DNM3: variants seen among roughly 807,000 people sequenced by gnomAD.
DNM3 encodes the protein dynamin 3, also known as dynamin-3.
Under a neutral mutation model 101.6 loss-of-function variants are expected in DNM3, and 47 were observed. That is an observed-to-expected ratio of 0.46 (90% CI 0.37 to 0.59). DNM3 has a LOEUF of 0.59. DNM3 is among the 20% of genes least tolerant of loss of function. The pLI is 0.00. For missense variants in DNM3, 849 were observed against 1,085.7 expected, an observed-to-expected ratio of 0.78 and a Z score of 3.06; for synonymous variants, 385 against 387.9, an observed-to-expected ratio of 0.99 and a Z score of 0.09.
At chr1:172,221,519 A>G (rs907517790) in intron 14 of DNM3, among the ~76,000 whole-genome samples, 1 of 152,184 alleles carries the variant, frequency 6.6e-6, no homozygotes, top group Non-Finnish European at 1.5e-5. Context: ...AGATGGTTCC[A>G]AGAGCAGAAA....
chr1:172,000,463 A>G (rs1002457571), intron 4 of DNM3, among the ~76,000 whole-genome samples: 1 of 152,060 alleles, frequency 6.6e-6, no homozygotes, highest in African/African-American at 2.4e-5. Flanking sequence ...CACAGGCTGT[A>G]TTGGACTTCA....
At chr1:172,236,982 A>G (rs904428701) in intron 14 of DNM3, among the ~76,000 whole-genome samples, 19 of 152,132 alleles carry the variant, frequency 1.2e-4, no homozygotes, top group Middle Eastern at 3.2e-3. Flanking sequence ...AGGGCCGAAC[A>G]TTATTGTATC....
intron 17 of DNM3, among the ~76,000 whole-genome samples, chr1:172,341,926 A>C (rs1480174906): frequency 6.6e-6 from 1 of 152,188 alleles, no homozygotes; most frequent in East Asian, 1.9e-4. Context: ...AAACAATCCC[A>C]TTAAAAAGTA....
intron 17 of DNM3, among the ~76,000 whole-genome samples, chr1:172,324,152 GT>G (rs1319518375): frequency 3.3e-5 from 5 of 152,112 alleles, no homozygotes; most frequent in Non-Finnish European, 7.4e-5. Flanking sequence ...ATGGTCTTAC[GT>G]TTAGTTGGGC....
At chr1:172,298,165 T>C (rs147357990) in intron 15 of DNM3, among the ~76,000 whole-genome samples, 4 of 152,326 alleles carry the variant, frequency 2.6e-5, no homozygotes, top group Non-Finnish European at 5.9e-5. Context: ...TTCAAGTCCT[T>C]ATTTTCTTCT....
intron 14 of DNM3, among the ~76,000 whole-genome samples, chr1:172,160,054 A>G (rs866683082): frequency 1.4e-4 from 21 of 149,624 alleles, no homozygotes; most frequent in African/African-American, 5.3e-4. Flanking sequence ...AAAATACAGC[A>G]TAAAAGATAA....
At chr1:172,402,923 CT>C (rs1003771054) in intron 20 of DNM3, among the ~76,000 whole-genome samples, 2 of 152,026 alleles carry the variant, frequency 1.3e-5, no homozygotes, top group Non-Finnish European at 2.9e-5. Context: ...AAGTAAAAAT[CT>C]TTTTTTTACT....
At chr1:172,323,414 T>C in intron 17 of DNM3, 74 bp downstream of exon 17, 1 of 1,524,876 alleles carries the variant, frequency 6.6e-7, no homozygotes, top group Non-Finnish European at 8.9e-7. Context: ...TTGACAAGAG[T>C]GTTCCTGTGC....
chr1:172,138,251 G>A (rs1429168899), intron 14 of DNM3: 2 of 149,860 alleles, frequency 1.3e-5, no homozygotes, highest in Non-Finnish European at 1.5e-5. Context: ...CAGACTGGCA[G>A]AGTTAACCCA....
chr1:172,015,731 T>C (rs975999891), intron 4 of DNM3, among the ~76,000 whole-genome samples: 1 of 152,234 alleles, frequency 6.6e-6, no homozygotes, highest in African/African-American at 2.4e-5. Context: ...CACTTTTATT[T>C]CTTCCTTTAC....
At chr1:172,308,909 C>T (rs756798570) in intron 16 of DNM3, 70 bp downstream of exon 16, 8 of 856,098 alleles carry the variant, frequency 9.3e-6, no homozygotes, top group Non-Finnish European at 1.4e-5. Flanking sequence ...ATCCTACATA[C>T]CATAAGCTGG....
At chr1:172,317,099 C>G (rs1197791673) in intron 16 of DNM3, among the ~76,000 whole-genome samples, 5 of 151,716 alleles carry the variant, frequency 3.3e-5, no homozygotes, top group Admixed American at 3.3e-4. Flanking sequence ...CAAAACCGCT[C>G]AACTACATGG....
At chr1:171,954,942 TTACTAA>T (rs2125471011) in intron 2 of DNM3, among the ~76,000 whole-genome samples, 1 of 152,336 alleles carries the variant, frequency 6.6e-6, no homozygotes, top group East Asian at 1.9e-4. Flanking sequence ...AATATTTAAC[TTACTAA>T]TAAAATGTCA....
At chr1:171,890,800 A>C (rs2037201227) in intron 1 of DNM3, among the ~76,000 whole-genome samples, 1 of 152,170 alleles carries the variant, frequency 6.6e-6, no homozygotes, top group Non-Finnish European at 1.5e-5. Flanking sequence ...TCACAGCAGC[A>C]AAAAACAAAA....
intron 14 of DNM3, among the ~76,000 whole-genome samples, chr1:172,183,456 A>G (rs778171090): frequency 3.9e-5 from 6 of 152,162 alleles, no homozygotes; most frequent in Admixed American, 6.6e-5. Context: ...AGGAAAATAC[A>G]GTGATTCTGG....
At chr1:172,368,767 T>G (rs2068163344) in intron 17 of DNM3, among the ~76,000 whole-genome samples, 1 of 151,200 alleles carries the variant, frequency 6.6e-6, no homozygotes, top group Admixed American at 6.6e-5. Context: ...AATGAAAAAA[T>G]GAAACATTAC....
chr1:172,184,786 T>C (rs959894943), intron 14 of DNM3, among the ~76,000 whole-genome samples: 4 of 152,104 alleles, frequency 2.6e-5, no homozygotes, highest in African/African-American at 9.7e-5. Flanking sequence ...GTTTTACAAA[T>C]GTAGAATCCA....
At chr1:172,086,127 A>G (rs925024789) in intron 12 of DNM3, among the ~76,000 whole-genome samples, 3 of 152,178 alleles carry the variant, frequency 2.0e-5, no homozygotes, top group Non-Finnish European at 4.4e-5. Flanking sequence ...TTTCTCTTTC[A>G]TCCTCAAATA....
At chr1:172,014,472 T>C (rs1456249283) in intron 4 of DNM3, among the ~76,000 whole-genome samples, 1 of 152,182 alleles carries the variant, frequency 6.6e-6, no homozygotes, top group Admixed American at 6.5e-5. Context: ...ATTGTCAGTT[T>C]TGTGGATCTT....
Sources: allele counts gnomAD v4.1 joint callset (sites outside exome capture counted in the v4.1 genomes callset), GRCh38; gene constraint gnomAD v4.1.1; transcripts MANE v1.5; gene names NCBI Gene and HGNC (gene_info 2026-07-23, HGNC 2026-07-21).